Variants in TTLL5 observed in about 807,000 individuals in gnomAD.
TTLL5 encodes tubulin polyglutamylase TTLL5.
Under a neutral mutation model 168.4 loss-of-function variants are expected in TTLL5, and 132 were observed. The ratio of observed to expected loss-of-function variants is 0.78; its 90% CI spans 0.68 to 0.91. The LOEUF is 0.91. Among genes scored for constraint, TTLL5 ranks in the 40% least tolerant of loss-of-function variants. TTLL5 has a pLI of 0.00. For synonymous variants in TTLL5, 546 were observed against 558.6 expected (o/e 0.98, Z 0.32); for missense variants, 1,545 against 1,581.5 (o/e 0.98, Z 0.39).
chr14:75,704,505 C>T (rs995250735), intron 7 of TTLL5, among the ~76,000 whole-genome samples: 4 of 152,188 alleles, frequency 2.6e-5, no homozygotes, highest in Non-Finnish European at 5.9e-5. Flanking sequence ...CACCATTGGA[C>T]TCCAGCCTGG....
At chr14:75,886,769 C>T (rs202081823) in intron 30 of TTLL5, 350 of 1,596,292 alleles carry the variant, frequency 2.2e-4, no homozygotes, top group Non-Finnish European at 2.8e-4. Context: ...GAACTGAGGA[C>T]GACAGCCTAC....
In TTLL5 at chr14:75,719,948, G is replaced by T. The variant is rs909991614; in HGVS notation, c.934+122G>T. The T allele has an allele frequency of 4.7e-6, 5 of 1,069,214 alleles. No homozygotes were observed. In the African/African-American group the frequency reaches 4.8e-5, roughly 10 times the overall value. 66.2% of individuals were successfully genotyped at this position (1,069,214 alleles called of 1,614,324 possible). ...TGCTGAGACGGGATGATTGTCCTTG[G>T]TGTTACTTTTTCCTGCAGTTGACAA... On this transcript the variant is annotated intron_variant, in intron 11 of 31. Coordinates refer to ENST00000298832, the MANE Select transcript of TTLL5 (RefSeq NM_015072.5).
chr14:75,939,583 TTCTC>T (rs1402097342), intron 31 of TTLL5, among the ~76,000 whole-genome samples: 2 of 152,108 alleles, frequency 1.3e-5, no homozygotes, highest in African/African-American at 4.8e-5. Context: ...AGAGATGAGT[TTCTC>T]TATGTTGCCC....
At chr14:75,793,394 A>C (rs147182116) in intron 27 of TTLL5, among the ~76,000 whole-genome samples, 109 of 152,352 alleles carry the variant, frequency 7.2e-4, no homozygotes, top group African/African-American at 2.4e-3. Context: ...GGATCTTTAA[A>C]AATAAGTTCT....
intron 28 of TTLL5, among the ~76,000 whole-genome samples, chr14:75,844,814 T>TA (rs1371735767): frequency 1.1e-4 from 16 of 152,332 alleles, no homozygotes; most frequent in African/African-American, 3.6e-4. Flanking sequence ...AGCTTCATCA[T>TA]AAGTGCATGA....
intron 26 of TTLL5, among the ~76,000 whole-genome samples, chr14:75,790,548 T>A (rs1892637276): frequency 6.6e-6 from 1 of 151,726 alleles, no homozygotes; most frequent in African/African-American, 2.4e-5. Context: ...CATGGCTCAC[T>A]GCAGCCTTGA....
At chr14:75,763,613 C>T (rs1214698310) in intron 18 of TTLL5, among the ~76,000 whole-genome samples, 2 of 152,252 alleles carry the variant, frequency 1.3e-5, no homozygotes, top group Non-Finnish European at 2.9e-5. Flanking sequence ...TGCGTTTGAG[C>T]GTAGAGAGTT....
At chr14:75,914,144 A>G (rs1343374879) in intron 31 of TTLL5, among the ~76,000 whole-genome samples, 1 of 146,396 alleles carries the variant, frequency 6.8e-6, no homozygotes, top group African/African-American at 2.6e-5. Flanking sequence ...TCTGTCACTC[A>G]TTTATCTTGT....
At chr14:75,847,271 G>C (rs778175932) in intron 28 of TTLL5, among the ~76,000 whole-genome samples, 9 of 151,870 alleles carry the variant, frequency 5.9e-5, no homozygotes, top group Non-Finnish European at 1.3e-4. Context: ...CCAAAGTTCT[G>C]GGATTACAGG....
intron 31 of TTLL5, among the ~76,000 whole-genome samples, chr14:75,916,275 C>T (rs1015399341): frequency 3.9e-5 from 6 of 151,972 alleles, no homozygotes; most frequent in African/African-American, 9.7e-5. Context: ...ATTGGAACCC[C>T]GGTGTACTGT....
chr14:75,818,042 G>C (rs1894566842), intron 27 of TTLL5, among the ~76,000 whole-genome samples: 1 of 151,602 alleles, frequency 6.6e-6, no homozygotes. Flanking sequence ...GTTTCACCAT[G>C]TTAGCCAGGA....
At chr14:75,687,427 C>G (rs535725096) in intron 5 of TTLL5, among the ~76,000 whole-genome samples, 4 of 152,052 alleles carry the variant, frequency 2.6e-5, no homozygotes, top group African/African-American at 9.7e-5. Context: ...GCATGCACTA[C>G]GGCTGGCTGA....
chr14:75,715,583 C>T (rs193202037), intron 9 of TTLL5, among the ~76,000 whole-genome samples: 1 of 152,060 alleles, frequency 6.6e-6, no homozygotes, highest in Non-Finnish European at 1.5e-5. Context: ...CTTTTCTCTC[C>T]ATAGTGTATG....
At chr14:75,782,807 A>G (rs1382801737) in intron 25 of TTLL5, among the ~76,000 whole-genome samples, 1 of 152,174 alleles carries the variant, frequency 6.6e-6, no homozygotes, top group Non-Finnish European at 1.5e-5. Context: ...TGTTCCTAGA[A>G]GGGTGAAAAG....
chr14:75,892,430 C>CA lies in TTLL5; in HGVS notation c.3740+9530dup, dbSNP rs2032445316. Reference sequence around the variant, plus strand: ...CATATTGGGAGCTGAAAGTGCCCTACAAGAGGAGAACCTAAAGCCACGCTC... The same window carrying CA: ...CATATTGGGAGCTGAAAGTGCCCTACAAAGAGGAGAACCTAAAGCCACGCTC... On this transcript the variant is annotated intron_variant, in intron 30 of 31. Transcript: ENST00000298832. 3.3e-5 allele frequency among the ~76,000 whole-genome samples: 5 copies of CA among 152,332 alleles called. No homozygotes were observed. The South Asian group carries it at 1.0e-3, about 32-fold the overall frequency.
At chr14:75,714,223 A>G (rs1887280553) in intron 9 of TTLL5, among the ~76,000 whole-genome samples, 1 of 152,174 alleles carries the variant, frequency 6.6e-6, no homozygotes, top group Admixed American at 6.5e-5. Flanking sequence ...TCATTGCATT[A>G]TATGTGATGG....
At chr14:75,736,640 A>G (rs576175902) in intron 15 of TTLL5, among the ~76,000 whole-genome samples, 3 of 152,310 alleles carry the variant, frequency 2.0e-5, no homozygotes, top group Middle Eastern at 3.4e-3. Flanking sequence ...CAGAAATCTT[A>G]CTTTTAAGTA....
chr14:75,705,932 C>T (rs1385107434), intron 7 of TTLL5, among the ~76,000 whole-genome samples: 3 of 152,070 alleles, frequency 2.0e-5, no homozygotes, highest in African/African-American at 7.2e-5. Flanking sequence ...TGCTTCCCAC[C>T]ATGCTAAATA....
chr14:75,854,619 C>T (rs759578417), intron 28 of TTLL5, among the ~76,000 whole-genome samples: 10 of 152,188 alleles, frequency 6.6e-5, no homozygotes, highest in South Asian at 2.1e-4. Flanking sequence ...CATCATTTTA[C>T]ACCCCCGTCA....
Sources: allele counts gnomAD v4.1 joint callset (sites outside exome capture counted in the v4.1 genomes callset), GRCh38; gene constraint gnomAD v4.1.1; transcripts MANE v1.5; gene names NCBI Gene and HGNC (gene_info 2026-07-23, HGNC 2026-07-21).